The following CNTN4 variants were observed in gnomAD, a reference collection of about 807,000 sequenced individuals.
CNTN4 encodes the protein contactin-4.
CNTN4 carries 77 observed loss-of-function variants against 122.5 expected under a neutral mutation model. That is an observed-to-expected ratio of 0.63 (90% CI 0.52 to 0.76). CNTN4 has a LOEUF of 0.76. Among genes scored for constraint, CNTN4 ranks in the 30% least tolerant of loss-of-function variants. The pLI, the probability that CNTN4 is intolerant of heterozygous loss-of-function variation, is 0.00. For missense variants in CNTN4, 1,256 were observed against 1,259.1 expected (o/e 1.00, Z 0.04); for synonymous variants, 512 against 447.0 (o/e 1.15, Z -1.83).
At chr3:2,874,193 G>A (rs902773739) in intron 8 of CNTN4, among the ~76,000 whole-genome samples, 4 of 152,122 alleles carry the variant, frequency 2.6e-5, no homozygotes, top group African/African-American at 9.7e-5. Context: ...GGTCCATGGG[G>A]GCTAAAGGTC....
chr3:2,277,229 T>C (rs1458073916), intron 2 of CNTN4, among the ~76,000 whole-genome samples: 3 of 152,146 alleles, frequency 2.0e-5, no homozygotes, highest in African/African-American at 7.2e-5. Context: ...AAATACGTAA[T>C]TTAATTGTTT....
rs2046227750 is a variant in CNTN4 at position 2,385,718 on chromosome 3, T to C, written c.-89+46485T>C. On this transcript the variant is annotated intron_variant, in intron 3 of 24. Transcript: ENST00000418658. The surrounding 1 kb of genome is among the most constrained non-coding windows in gnomAD (Gnocchi z 4.0). Reference sequence around the variant, plus strand: ...TTCCCTGTATGCCTGTGTGTTCAAATTTTTTCCTCTTCTCATAAGGACATA... The same window carrying C: ...TTCCCTGTATGCCTGTGTGTTCAAACTTTTTCCTCTTCTCATAAGGACATA... Among the ~76,000 whole-genome samples, 1 of 152,030 alleles carries C rather than the reference T, an allele frequency of 6.6e-6. No individual in the cohort carries two copies. The highest frequency in any genetic ancestry group is 1.5e-5 in the Non-Finnish European group (1 of 68,024).
intron 13 of CNTN4, among the ~76,000 whole-genome samples, chr3:2,981,820 G>A (rs866040202): frequency 5.9e-5 from 9 of 152,160 alleles, no homozygotes; most frequent in Admixed American, 3.3e-4. Flanking sequence ...TGAGGCCCTC[G>A]GATCACTTGA....
intron 13 of CNTN4, among the ~76,000 whole-genome samples, chr3:2,972,741 A>G (rs561944801): frequency 5.5e-4 from 83 of 152,254 alleles, no homozygotes; most frequent in African/African-American, 1.8e-3. Context: ...ACATAGTGCA[A>G]TATCTTCAGA....
rs922174709 is a variant in CNTN4 at position 2,711,266 on chromosome 3, G to A, written c.56-24949G>A. 5.3e-5 allele frequency among the ~76,000 whole-genome samples: 8 copies of A among 152,276 alleles called. No homozygotes were observed. In the East Asian group the frequency reaches 5.8e-4, roughly 11 times the overall value. On this transcript the variant is annotated intron_variant, in intron 4 of 24. Coordinates refer to ENST00000418658, the MANE Select transcript of CNTN4 (RefSeq NM_175607.3). ...TGATGGAGACTCGGTCAGGACTTTG[G>A]TCAGTGCCTGGGTAATCTCACACAG...
intron 4 of CNTN4, among the ~76,000 whole-genome samples, chr3:2,700,399 A>G (rs1008377438): frequency 3.3e-5 from 5 of 152,194 alleles, no homozygotes; most frequent in African/African-American, 1.2e-4. Flanking sequence ...AGGGTGACCA[A>G]TGAATGCATG....
chr3:2,214,719 C>G (rs944735819), intron 2 of CNTN4, among the ~76,000 whole-genome samples: 3 of 152,212 alleles, frequency 2.0e-5, no homozygotes, highest in Non-Finnish European at 2.9e-5. Context: ...TGAAAACCAT[C>G]AAACCCTTAG....
chr3:2,251,106 T>C (rs1312885190), intron 2 of CNTN4, among the ~76,000 whole-genome samples: 1 of 151,858 alleles, frequency 6.6e-6, no homozygotes, highest in Non-Finnish European at 1.5e-5. Flanking sequence ...GGAAAACCGA[T>C]CATCTGACCA....
At chr3:2,537,716 T>C (rs918270091) in intron 3 of CNTN4, among the ~76,000 whole-genome samples, 2 of 152,116 alleles carry the variant, frequency 1.3e-5, no homozygotes, top group African/African-American at 4.8e-5. Flanking sequence ...CATGAGACTT[T>C]TTAGAAAGAT....
intron 6 of CNTN4, among the ~76,000 whole-genome samples, chr3:2,816,046 C>T (rs746178823): frequency 6.6e-5 from 10 of 151,846 alleles, no homozygotes; most frequent in Non-Finnish European, 1.5e-4. Flanking sequence ...GCTATGAGGA[C>T]GCAAAGGCAT....
At chr3:2,396,916 G>A (rs2046663599) in intron 3 of CNTN4, among the ~76,000 whole-genome samples, 1 of 152,076 alleles carries the variant, frequency 6.6e-6, no homozygotes, top group Non-Finnish European at 1.5e-5. Flanking sequence ...TGGGGTTTAG[G>A]ATATTCAACC....
Position 2,736,223 on chromosome 3 carries a change from A to G in CNTN4, c.64A>G (p.Thr22Ala). ...TTCTCTTCTCATTTCAGATGATTCC[A>G]CACTGCATGGCCCGATTTTTATTCA... Reference protein sequence around the residue: ...SFILCLADDSTLHGPIFIQEP... With the variant: ...SFILCLADDSALHGPIFIQEP... Residue 22 changes from threonine (T) to alanine (A), a missense_variant, in exon 5 of 25, where the codon ACA (threonine) becomes GCA (alanine). Thr to Ala is a moderately conservative substitution (Grantham distance 58). Transcript: ENST00000418658. 6.2e-7 allele frequency: 1 copy of G among 1,613,518 alleles called. No homozygotes were observed. Among genetic ancestry groups the G allele is most frequent in the Non-Finnish European group, 8.5e-7 (1 of 1,179,692 alleles).
In CNTN4 at chr3:2,356,398, C is replaced by T. The variant is rs1240123705; in HGVS notation, c.-89+17165C>T. On this transcript the variant is annotated intron_variant, in intron 3 of 24. Transcript: ENST00000418658. ...GGGCAATTCCTGGAACTGAGAGTTC[C>T]TCCCCTTTTTAGACCGTATAGGGTA... 3.9e-5 allele frequency among the ~76,000 whole-genome samples: 6 copies of T among 152,248 alleles called. No individual in the cohort carries two copies. The East Asian group carries it at 7.7e-4, about 20-fold the overall frequency.
intron 13 of CNTN4, among the ~76,000 whole-genome samples, chr3:2,933,736 G>A (rs536225319): frequency 4.3e-4 from 65 of 152,228 alleles, no homozygotes; most frequent in Non-Finnish European, 5.9e-4. Flanking sequence ...GCCTGGCATA[G>A]CATAAGTGCT....
At chr3:2,543,063 G>T (rs1391468425) in intron 3 of CNTN4, among the ~76,000 whole-genome samples, 2 of 152,050 alleles carry the variant, frequency 1.3e-5, no homozygotes, top group Non-Finnish European at 2.9e-5. Context: ...CCATAGGATG[G>T]ACCAAGATAA....
chr3:2,228,853 T>C (rs551243130), intron 2 of CNTN4, among the ~76,000 whole-genome samples: 28 of 152,256 alleles, frequency 1.8e-4, no homozygotes, highest in African/African-American at 5.8e-4. Context: ...ATTGATTTGA[T>C]GGTGGTTATT....
intron 12 of CNTN4, among the ~76,000 whole-genome samples, chr3:2,917,350 G>C (rs200395933): frequency 2.0e-5 from 3 of 150,960 alleles, no homozygotes; most frequent in Admixed American, 6.6e-5. Context: ...GAGAGGAAGA[G>C]GGAGACGGAG....
intron 3 of CNTN4, among the ~76,000 whole-genome samples, chr3:2,397,260 G>A (rs2046674423): frequency 6.6e-6 from 1 of 152,086 alleles, no homozygotes; most frequent in Non-Finnish European, 1.5e-5. Context: ...TTTCTTATGC[G>A]AATTACAGCT....
At chr3:2,607,203 T>C (rs2081294260) in intron 4 of CNTN4, among the ~76,000 whole-genome samples, 1 of 152,178 alleles carries the variant, frequency 6.6e-6, no homozygotes, top group Admixed American at 6.5e-5. Flanking sequence ...AGAGTAGAAA[T>C]TATTGTAGTC....
Sources: gnomAD v4.1 joint callset for allele counts (sites outside exome capture counted in the v4.1 genomes callset) on GRCh38, gnomAD v4.1.1 for gene constraint, Gnocchi (gnomAD v3.1) non-coding constraint, MANE v1.5 for transcripts, NCBI Gene and HGNC (gene_info 2026-07-23, HGNC 2026-07-21) for gene names.